Variants in HOMER2 observed in about 807,000 individuals in gnomAD.
HOMER2 encodes the protein homer scaffold protein 2.
In HOMER2, 27 loss-of-function variants were observed where a neutral mutation model predicts 47.0. That is an observed-to-expected ratio of 0.57 (90% CI 0.42 to 0.79). The LOEUF is 0.79. Ranked by LOEUF, HOMER2 falls within the 30% of genes least tolerant of loss-of-function variation. HOMER2 has a pLI of 0.00. For synonymous variants in HOMER2, 161 were observed against 163.8 expected (o/e 0.98, Z 0.13); for missense variants, 443 against 435.0 (o/e 1.02, Z -0.16).
chr15:82,919,370 C>T (rs1282200237), intron 1 of HOMER2, among the ~76,000 whole-genome samples: 3 of 152,204 alleles, frequency 2.0e-5, no homozygotes, highest in South Asian at 2.1e-4. Context: ...GGCCTGTTGG[C>T]CAGACGCCCA....
intron 5 of HOMER2, 40 bp downstream of exon 5, chr15:82,858,989 A>T: frequency 1.3e-6 from 2 of 1,595,658 alleles, no homozygotes; most frequent in Non-Finnish European, 1.7e-6. Context: ...GAAGTGCTGA[A>T]GGTGGAGAAA....
intron 1 of HOMER2, among the ~76,000 whole-genome samples, chr15:82,943,929 C>T (rs2054316687): frequency 6.6e-6 from 1 of 152,200 alleles, no homozygotes; most frequent in Non-Finnish European, 1.5e-5. Flanking sequence ...ACCCTGACTC[C>T]TCTGGCTAGT....
At chr15:82,954,151 A>G (rs2054561305), upstream of HOMER2, among the ~76,000 whole-genome samples, 1 of 152,180 alleles carries the variant, frequency 6.6e-6, no homozygotes, top group South Asian at 2.1e-4. Context: ...TCCTCCATGC[A>G]TAGTAATCAG....
At chr15:82,855,406 G>A (rs542423168) in intron 5 of HOMER2, among the ~76,000 whole-genome samples, 9 of 151,796 alleles carry the variant, frequency 5.9e-5, no homozygotes, top group South Asian at 4.2e-4. Context: ...GCTGCAGGGC[G>A]GGCAAGGCCC....
chr15:82,872,195 TCAGA>T (rs1471584169), intron 3 of HOMER2, among the ~76,000 whole-genome samples: 4 of 152,070 alleles, frequency 2.6e-5, no homozygotes, highest in Non-Finnish European at 4.4e-5. Context: ...CATTACCCCC[TCAGA>T]CAGAGGTTCC....
At chr15:82,916,807 A>AT (rs906151960) in intron 1 of HOMER2, among the ~76,000 whole-genome samples, 2,710 of 144,658 alleles carry the variant, frequency 0.019, 24 homozygotes, top group Non-Finnish European at 0.022. Flanking sequence ...CAGAGCCCTC[A>AT]TTTTTTTTTT....
intron 1 of HOMER2, among the ~76,000 whole-genome samples, chr15:82,942,752 T>C (rs2054292347): frequency 6.6e-6 from 1 of 152,228 alleles, no homozygotes; most frequent in Non-Finnish European, 1.5e-5. Context: ...AGACCGGTTT[T>C]CTTGTTGATA....
chr15:82,862,265 A>G (rs1462757321), intron 4 of HOMER2, among the ~76,000 whole-genome samples: 1 of 152,176 alleles, frequency 6.6e-6, no homozygotes, highest in African/African-American at 2.4e-5. Context: ...AAATACTGCT[A>G]AAGATTAGAA....
chr15:82,863,449 C>T (rs766146915), intron 4 of HOMER2, among the ~76,000 whole-genome samples: 10 of 152,218 alleles, frequency 6.6e-5, no homozygotes, highest in East Asian at 1.9e-4. Context: ...CACATCTCAA[C>T]GCCTCCGACA....
At chr15:82,917,585 T>G (rs2053622882) in intron 1 of HOMER2, among the ~76,000 whole-genome samples, 1 of 152,084 alleles carries the variant, frequency 6.6e-6, no homozygotes, top group African/African-American at 2.4e-5. Context: ...CAAACCCCAG[T>G]GTATGTGAGA....
chr15:82,902,273 C>T (rs1437661505), intron 1 of HOMER2, among the ~76,000 whole-genome samples: 1 of 150,466 alleles, frequency 6.6e-6, no homozygotes, highest in Non-Finnish European at 1.5e-5. Flanking sequence ...TCTCGGCTCA[C>T]TGCAACCTCT....
intron 1 of HOMER2, among the ~76,000 whole-genome samples, chr15:82,898,935 A>G (rs7178757): frequency 0.047 from 7,187 of 152,278 alleles, 550 homozygotes; most frequent in African/African-American, 0.16. Flanking sequence ...ACAGTATTAC[A>G]AAGTCTTGTA....
At chr15:82,889,936 A>T (rs2052655681) in intron 2 of HOMER2, among the ~76,000 whole-genome samples, 2 of 152,134 alleles carry the variant, frequency 1.3e-5, no homozygotes, top group African/African-American at 4.8e-5. Context: ...TAATTAAACA[A>T]CTGAGGTCCA....
At chr15:82,925,633 C>A (rs1260259117) in intron 1 of HOMER2, among the ~76,000 whole-genome samples, 1 of 152,144 alleles carries the variant, frequency 6.6e-6, no homozygotes, top group Non-Finnish European at 1.5e-5. Context: ...TCCTTCTTCC[C>A]TTTGACCTCC....
intron 1 of HOMER2, among the ~76,000 whole-genome samples, chr15:82,918,503 G>T (rs2053646469): frequency 6.6e-6 from 1 of 152,070 alleles, no homozygotes; most frequent in African/African-American, 2.4e-5. Context: ...GGTGAGGCTG[G>T]GTGGTCTGGT....
At chr15:82,952,769 C>G (rs1329397767), upstream of HOMER2, 14 of 924,308 alleles carry the variant, frequency 1.5e-5, no homozygotes, top group Non-Finnish European at 1.5e-5. Flanking sequence ...CCGCCCCGCC[C>G]TCCCCAGCCG....
downstream of HOMER2, among the ~76,000 whole-genome samples, chr15:82,848,668 C>T (rs1002455187): frequency 1.3e-5 from 2 of 152,228 alleles, no homozygotes. Context: ...GACAATCCTA[C>T]CCTAGGTACC....
chr15:82,877,537 G>C (rs188178346), intron 2 of HOMER2, among the ~76,000 whole-genome samples: 3 of 152,250 alleles, frequency 2.0e-5, no homozygotes, highest in East Asian at 1.9e-4. Context: ...GGAGACTCTA[G>C]AGATAAAAAC....
chr15:82,949,974 G>C (rs891063616), intron 1 of HOMER2, among the ~76,000 whole-genome samples: 4 of 152,150 alleles, frequency 2.6e-5, no homozygotes, highest in African/African-American at 9.7e-5. Flanking sequence ...TCTCTGAAAA[G>C]ATGGGAGGAG....
Sources: allele counts gnomAD v4.1 joint callset (sites outside exome capture counted in the v4.1 genomes callset), GRCh38; gene constraint gnomAD v4.1.1; transcripts MANE v1.5; gene names NCBI Gene and HGNC (gene_info 2026-07-23, HGNC 2026-07-21).